NME7: variants seen among roughly 807,000 people sequenced by gnomAD.
NME7 encodes the protein NME/NM23 family member 7, also known as nucleoside diphosphate kinase 7.
A neutral mutation model predicts 49.1 loss-of-function variants in NME7; 41 were observed. The observed-to-expected ratio is 0.83, with a 90% confidence interval of 0.65 to 1.08. The LOEUF (loss-of-function observed/expected upper bound fraction) is 1.08. Ranked by LOEUF, NME7 falls within the 50% of genes least tolerant of loss-of-function variation. The probability of loss-of-function intolerance (pLI) is 0.00; values close to 1 mark genes in which losing one functional copy is unlikely to be tolerated. For missense variants in NME7, 423 were observed against 463.4 expected, an observed-to-expected ratio of 0.91 and a Z score of 0.80; for synonymous variants, 139 against 150.6, an observed-to-expected ratio of 0.92 and a Z score of 0.56.
chr1:169,154,715 T>C (rs1381661685), intron 11 of NME7, among the ~76,000 whole-genome samples: 1 of 151,744 alleles, frequency 6.6e-6, no homozygotes, highest in African/African-American at 2.4e-5. Flanking sequence ...GAAGAGTCGC[T>C]TGAACCCGGG....
At chr1:169,189,798 T>G (rs1660165588) in intron 10 of NME7, among the ~76,000 whole-genome samples, 1 of 152,166 alleles carries the variant, frequency 6.6e-6, no homozygotes, top group Non-Finnish European at 1.5e-5. Context: ...AACTAATGTC[T>G]CAAATGTGAC....
intron 10 of NME7, among the ~76,000 whole-genome samples, chr1:169,219,106 C>T (rs1294875651): frequency 6.6e-6 from 1 of 152,138 alleles, no homozygotes; most frequent in Admixed American, 6.5e-5. Flanking sequence ...TAGCTCCAGG[C>T]ATCATTTCCT....
chr1:169,234,562 A>G lies in NME7; in HGVS notation c.888+569T>C, dbSNP rs114714687. Among the ~76,000 whole-genome samples the G allele has an allele frequency of 3.5e-3, 531 of 152,272 alleles. 2 individuals are homozygous for G. Among genetic ancestry groups the G allele is most frequent in the African/African-American group, 0.012 (496 of 41,576 alleles). On this transcript the variant is annotated intron_variant, in intron 9 of 11. Transcript: ENST00000367811. ...TTAATATGTGAGACAGTTTTACATA[A>G]TTTATTTCATTTAATTCCCACAACA...
At chr1:169,145,981 CAT>C (rs1323402752) in intron 11 of NME7, among the ~76,000 whole-genome samples, 1 of 151,688 alleles carries the variant, frequency 6.6e-6, no homozygotes, top group Non-Finnish European at 1.5e-5. Flanking sequence ...AGGTCTGTTA[CAT>C]AGATATATTG....
intron 11 of NME7, among the ~76,000 whole-genome samples, chr1:169,139,255 C>G (rs961724719): frequency 1.6e-4 from 25 of 152,158 alleles, no homozygotes; most frequent in African/African-American, 6.0e-4. Flanking sequence ...AAATGAAGTT[C>G]TTGCTACATA....
intron 11 of NME7, among the ~76,000 whole-genome samples, chr1:169,146,557 T>C (rs1658761309): frequency 6.6e-6 from 1 of 152,206 alleles, no homozygotes; most frequent in Non-Finnish European, 1.5e-5. Context: ...AGAGGAGTCA[T>C]ATCAAATCCA....
intron 10 of NME7, among the ~76,000 whole-genome samples, chr1:169,183,247 A>G (rs1385177501): frequency 2.0e-5 from 3 of 152,228 alleles, no homozygotes; most frequent in African/African-American, 7.2e-5. Context: ...CCAAAGAACT[A>G]CTTAATCTTC....
At position 169,293,431 on chromosome 1, in the gene NME7, C is replaced by T. The variant is rs114769000; in HGVS notation, c.648+5125G>A. Reference sequence around the variant, plus strand: ...TTTACACTTTTCCATATAAAATTATCTCACACAATTTATTGACTAATCAAT... The same window carrying T: ...TTTACACTTTTCCATATAAAATTATTTCACACAATTTATTGACTAATCAAT... On this transcript the variant is annotated intron_variant, in intron 6 of 11. Coordinates refer to ENST00000367811, the MANE Select transcript of NME7 (RefSeq NM_013330.5). 2.0e-3 allele frequency among the ~76,000 whole-genome samples: 301 copies of T among 152,082 alleles called. 4 individuals are homozygous for T. Among genetic ancestry groups the T allele is most frequent in the African/African-American group, 7.0e-3 (292 of 41,492 alleles).
rs551927585 is a variant in NME7 at position 169,256,582 on chromosome 1, T to G, written c.755-18895A>C. Among the ~76,000 whole-genome samples the G allele has an allele frequency of 3.0e-5, 4 of 131,890 alleles. 1 individual carries two copies. The highest frequency in any genetic ancestry group is 1.0e-4 in the African/African-American group (4 of 38,816). The allele number at this position is 131,890 out of a possible 152,430, so 86.5% of individuals were successfully genotyped here. A position where few individuals can be genotyped will look rare whatever the true frequency, so the allele number is the denominator to read the frequency against. ...CTCAGCTCGTCAAAGTCATTCTCCA[T>G]CCAGCTTTGTTCCGTTGCCGGTGAG... On this transcript the variant is annotated intron_variant, in intron 7 of 11. Coordinates refer to ENST00000367811, the MANE Select transcript of NME7 (RefSeq NM_013330.5).
At chr1:169,314,511 CAGG>C (rs1277154824) in intron 3 of NME7, among the ~76,000 whole-genome samples, 2 of 151,832 alleles carry the variant, frequency 1.3e-5, no homozygotes, top group African/African-American at 4.8e-5. Context: ...ATAAAACAGG[CAGG>C]AGAAGAAAGC....
chr1:169,229,616 C>T (rs1647507576), intron 10 of NME7, among the ~76,000 whole-genome samples: 1 of 152,272 alleles, frequency 6.6e-6, no homozygotes, highest in East Asian at 1.9e-4. Flanking sequence ...CACTTTGACA[C>T]AAGATGATTT....
chr1:169,276,012 G>A lies in NME7; in HGVS notation c.754+11291C>T, dbSNP rs1336405548. ...TTTATTGATTTGCGTATATTGAACC[G>A]GCCTTGCATCCCAGGGATGAAGCCC... On this transcript the variant is annotated intron_variant, in intron 7 of 11. Coordinates refer to ENST00000367811, the MANE Select transcript of NME7 (RefSeq NM_013330.5). Among the ~76,000 whole-genome samples the A allele has an allele frequency of 6.0e-5, 8 of 133,190 alleles. 2 individuals carry two copies. The South Asian group carries it at 7.0e-4, about 12-fold the overall frequency. 87.4% of individuals were successfully genotyped at this position (133,190 alleles called of 152,430 possible).
At chr1:169,217,767 G>A (rs775919361) in intron 10 of NME7, among the ~76,000 whole-genome samples, 18 of 152,248 alleles carry the variant, frequency 1.2e-4, no homozygotes, top group Non-Finnish European at 2.2e-4. Context: ...AGACTGTTAC[G>A]TACATTTGAA....
intron 10 of NME7, among the ~76,000 whole-genome samples, chr1:169,227,494 AT>A (rs1362230797): frequency 6.6e-6 from 1 of 152,200 alleles, no homozygotes; most frequent in Non-Finnish European, 1.5e-5. Context: ...ATTTGAAAAT[AT>A]TTTTTAAAAG....
chr1:169,230,897 C>G, intron 9 of NME7, 78 bp from the exon 10 acceptor site: 2 of 948,274 alleles, frequency 2.1e-6, no homozygotes, highest in Non-Finnish European at 3.1e-6. Context: ...CACTGTTCCA[C>G]TAATGTCCTT....
intron 11 of NME7, chr1:169,168,875 G>A (rs1430037612): frequency 4.4e-6 from 2 of 455,856 alleles, no homozygotes; most frequent in East Asian, 7.0e-5. Flanking sequence ...TTTTCAAATT[G>A]TCACAAATCT....
Position 169,363,499 on chromosome 1 carries a change from T to C in NME7, c.3+4209A>G, listed in dbSNP as rs574297901. 3.9e-5 allele frequency among the ~76,000 whole-genome samples: 6 copies of C among 152,302 alleles called. No homozygotes were observed. In the East Asian group the frequency reaches 1.2e-3, roughly 29 times the overall value. ...GGCTACATACCACAAATTTGAGTAA[T>C]GAGTCATCAGGTACAGTTTGAGAAA... On this transcript the variant is annotated intron_variant, in intron 1 of 11. Transcript: ENST00000367811.
At chr1:169,182,394 C>A (rs904725170) in intron 10 of NME7, among the ~76,000 whole-genome samples, 8 of 152,074 alleles carry the variant, frequency 5.3e-5, no homozygotes, top group African/African-American at 1.9e-4. Flanking sequence ...TTCCTAAATT[C>A]CCTCTCGTCA....
intron 10 of NME7, among the ~76,000 whole-genome samples, chr1:169,190,937 C>G (rs902013992): frequency 9.3e-6 from 1 of 107,246 alleles, no homozygotes. Flanking sequence ...CTCAGCCTCC[C>G]GAGTAGCTGG....
Sources: allele counts gnomAD v4.1 joint callset (sites outside exome capture counted in the v4.1 genomes callset), GRCh38; gene constraint gnomAD v4.1.1; transcripts MANE v1.5; gene names NCBI Gene and HGNC (gene_info 2026-07-23, HGNC 2026-07-21).